SLC12A1: variants seen among roughly 807,000 people sequenced by gnomAD.
The protein encoded by SLC12A1 is Na-K-2Cl cotransporter.
A neutral mutation model predicts 130.4 loss-of-function variants in SLC12A1; 89 were observed. The ratio of observed to expected loss-of-function variants is 0.68; its 90% confidence interval spans 0.58 to 0.81. The LOEUF (loss-of-function observed/expected upper bound fraction) is 0.81, where lower values mean the gene tolerates loss of function less well. Ranked by LOEUF, SLC12A1 falls within the 40% of genes least tolerant of loss-of-function variation. SLC12A1 has a pLI of 0.00. For missense variants in SLC12A1, 1,310 were observed against 1,336.4 expected, an observed-to-expected ratio of 0.98 and a Z score of 0.31; for synonymous variants, 499 against 460.0, an observed-to-expected ratio of 1.08 and a Z score of -1.09.
chr15:48,299,832 C>T (rs948566786), intron 25 of SLC12A1, among the ~76,000 whole-genome samples: 1 of 152,088 alleles, frequency 6.6e-6, no homozygotes, highest in African/African-American at 2.4e-5. Flanking sequence ...TGTCCTGAGC[C>T]AAATGAAGTT....
At chr15:48,289,691 A>G (rs1394131801) in intron 23 of SLC12A1, among the ~76,000 whole-genome samples, 2 of 152,092 alleles carry the variant, frequency 1.3e-5, no homozygotes, top group Non-Finnish European at 2.9e-5. Flanking sequence ...ACACAATGGT[A>G]AATATTTGTA....
intron 14 of SLC12A1, among the ~76,000 whole-genome samples, chr15:48,250,967 C>T (rs551613344): frequency 1.3e-5 from 2 of 152,262 alleles, no homozygotes; most frequent in Non-Finnish European, 2.9e-5. Flanking sequence ...CTCCCACGCA[C>T]GTGCGCACTG....
chr15:48,287,952 T>C (rs544946905), intron 21 of SLC12A1, 91 bp from the exon 22 acceptor site: 215 of 1,375,890 alleles, frequency 1.6e-4, no homozygotes, highest in Non-Finnish European at 1.8e-4. Context: ...TCTGTGACCT[T>C]TTCTCTATTT....
chr15:48,279,097 C>A (rs1451081340), intron 20 of SLC12A1, among the ~76,000 whole-genome samples: 1 of 152,138 alleles, frequency 6.6e-6, no homozygotes, highest in Admixed American at 6.5e-5. Context: ...CAATGTTACA[C>A]AAATACATGA....
chr15:48,267,462 C>T (rs892698909), intron 17 of SLC12A1, 99 bp from the exon 18 acceptor site: 1 of 1,310,506 alleles, frequency 7.6e-7, no homozygotes, highest in African/African-American at 1.5e-5. Context: ...CATTTCTTAA[C>T]TCAATGGGGC....
intron 20 of SLC12A1, among the ~76,000 whole-genome samples, chr15:48,275,416 C>G (rs558813002): frequency 1.3e-5 from 2 of 152,030 alleles, no homozygotes. Context: ...TTCTGTCGTG[C>G]CCTCAAGAGA....
intron 12 of SLC12A1, 77 bp from the exon 13 acceptor site, chr15:48,247,260 C>A: frequency 6.9e-7 from 1 of 1,453,142 alleles, no homozygotes; most frequent in Non-Finnish European, 9.4e-7. Flanking sequence ...TTCCCCAAAT[C>A]TTCTTGTTTG....
chr15:48,287,452 A>G lies in SLC12A1; in HGVS notation c.2630-591A>G, dbSNP rs137858208. Among the ~76,000 whole-genome samples the G allele has an allele frequency of 4.9e-3, 741 of 152,278 alleles. 8 individuals carry two copies. The highest frequency in any genetic ancestry group is 0.044 in the Middle Eastern group (13 of 294). ...CAAGATTCCTTGAAAAGAAAGCAGA[A>G]GAGTAAGCCAGGCCAACTAAGAGAC... is the stretch of plus-strand genomic sequence containing the variant. On this transcript the variant is annotated intron_variant, in intron 21 of 26. Transcript: ENST00000380993.
intron 9 of SLC12A1, chr15:48,236,836 G>A: frequency 2.1e-6 from 1 of 474,354 alleles, no homozygotes; most frequent in Non-Finnish European, 3.7e-6. Context: ...GAGTATCAGA[G>A]GTCACTGATT....
At position 48,288,031 on chromosome 15, in the gene SLC12A1, CT is replaced by C; in HGVS notation, c.2630-9del. ...AAAGCAAACAGATGCATCAATTCCT[CT>C]TTCGTTTCAGATGGCAGCATTAACA... On this transcript the variant is annotated splice_polypyrimidine_tract_variant and intron_variant, in intron 21 of 26. Transcript: ENST00000380993. The C allele has an allele frequency of 6.2e-7, 1 of 1,605,944 alleles. No homozygotes were observed. The highest frequency in any genetic ancestry group is 1.1e-5 in the South Asian group (1 of 88,960).
intron 16 of SLC12A1, 78 bp downstream of exon 16, chr15:48,255,988 A>T: frequency 2.4e-6 from 2 of 848,710 alleles, no homozygotes; most frequent in Non-Finnish European, 3.9e-6. Flanking sequence ...AAGGGCATTC[A>T]AGTAGTTATA....
chr15:48,293,790 A>G (rs1406080748), intron 24 of SLC12A1, among the ~76,000 whole-genome samples: 1 of 152,152 alleles, frequency 6.6e-6, no homozygotes, highest in Non-Finnish European at 1.5e-5. Flanking sequence ...CACGCCTGTA[A>G]CCTCAGCACT....
chr15:48,276,479 T>A lies in SLC12A1; in HGVS notation c.2485+1826T>A, dbSNP rs2041955442. Reference sequence around the variant, plus strand: ...GTGGGCCCTAATCCAATATTACTGATGTCCTTATAAGAAGAGATTAGGATA... The same window carrying A: ...GTGGGCCCTAATCCAATATTACTGAAGTCCTTATAAGAAGAGATTAGGATA... On this transcript the variant is annotated intron_variant, in intron 20 of 26. Transcript: ENST00000380993. Among the ~76,000 whole-genome samples the A allele has an allele frequency of 2.6e-5, 4 of 152,186 alleles. No individual in the cohort carries two copies. The South Asian group carries it at 8.3e-4, about 32-fold the overall frequency.
rs144104744 is a variant in SLC12A1, at chr15:48,233,331, A to C, written c.1087+493A>C. Among the ~76,000 whole-genome samples, 266 of 152,346 alleles carry C rather than the reference A, an allele frequency of 1.7e-3. 1 individual carries two copies. Among genetic ancestry groups the C allele is most frequent in the Non-Finnish European group, 3.2e-3 (220 of 68,024 alleles). On this transcript the variant is annotated intron_variant, in intron 8 of 26. Coordinates refer to ENST00000380993, the MANE Select transcript of SLC12A1 (RefSeq NM_000338.3). ...GACAGTGGATGTGAAAGTGCTTTGT[A>C]AACCTTTTGTTGTTGCTGTCAAATA...
chr15:48,231,409 A>C (rs1210352248), intron 7 of SLC12A1, among the ~76,000 whole-genome samples: 1 of 152,218 alleles, frequency 6.6e-6, no homozygotes, highest in Non-Finnish European at 1.5e-5. Flanking sequence ...TGATGAAAAA[A>C]CACAGAACCC....
rs1200318645 is a variant in SLC12A1, at chr15:48,220,630, G to T, written c.421-4G>T. ...ACTGTGTTTTTGCTATCTATAAAAT[G>T]CAGAATGTGGCAGTCACCCCAAGTT... On this transcript the variant is annotated splice_polypyrimidine_tract_variant and splice_region_variant and intron_variant, in intron 2 of 26. Transcript: ENST00000380993. 12 of 1,611,996 alleles carry T rather than the reference G, an allele frequency of 7.4e-6. No individual in the cohort carries two copies. The highest frequency in any genetic ancestry group is 9.3e-6 in the Non-Finnish European group (11 of 1,178,936).
In SLC12A1 at chr15:48,267,670, G is replaced by C. The variant is rs377155489; in HGVS notation, c.2264G>C (p.Cys755Ser). The C allele has an allele frequency of 1.2e-5, 20 of 1,613,436 alleles. No homozygotes were observed. The highest frequency in any genetic ancestry group is 1.7e-5 in the Non-Finnish European group (20 of 1,179,566). Residue 755 changes from cysteine to serine, a missense_variant, in exon 18 of 27, where the codon TGT becomes TCT. Coordinates refer to ENST00000380993, the MANE Select transcript of SLC12A1 (RefSeq NM_000338.3). ...KAFYAAVAAD[C>S]FRDGVRSLLQ... is the part of the protein sequence containing the mutation. The stretch of plus-strand genomic sequence containing the variant: ...TTTTATGCTGCAGTGGCGGCAGACT[G>C]TTTCAGGGATGGTGTCCGAAGTCTT...
chr15:48,282,680 G>A (rs1486682642), intron 20 of SLC12A1, among the ~76,000 whole-genome samples: 1 of 152,148 alleles, frequency 6.6e-6, no homozygotes, highest in Non-Finnish European at 1.5e-5. Flanking sequence ...CTCTAGTGCA[G>A]CCTTCCATAT....
At chr15:48,263,652 A>C (rs1168417021) in intron 17 of SLC12A1, among the ~76,000 whole-genome samples, 1 of 152,026 alleles carries the variant, frequency 6.6e-6, no homozygotes, top group Non-Finnish European at 1.5e-5. Flanking sequence ...AAAGAAAAAA[A>C]ATTGGTTATA....
Sources: gnomAD v4.1 joint callset for allele counts (sites outside exome capture counted in the v4.1 genomes callset) on GRCh38, gnomAD v4.1.1 for gene constraint, MANE v1.5 for transcripts, NCBI Gene and HGNC (gene_info 2026-07-23, HGNC 2026-07-21) for gene names.